The following SV2B variants were observed in gnomAD, a reference collection of about 807,000 sequenced individuals.
The protein encoded by SV2B is synaptic vesicle glycoprotein 2B.
In SV2B, 41 loss-of-function variants were observed where a neutral mutation model predicts 73.9. The observed-to-expected ratio is 0.56, with a 90% confidence interval of 0.43 to 0.72. The LOEUF (loss-of-function observed/expected upper bound fraction) is 0.72. SV2B is among the 30% of genes least tolerant of loss of function. The pLI is 0.00. For synonymous variants in SV2B, 314 were observed against 314.2 expected (o/e 1.00, Z 0.01); for missense variants, 764 against 857.8 (o/e 0.89, Z 1.37).
rs768571733 is a variant in SV2B, at chr15:91,229,390, C to T, written c.451+2676C>T. On this transcript the variant is annotated intron_variant, in intron 2 of 12. Coordinates refer to ENST00000394232, the MANE Select transcript of SV2B (RefSeq NM_001323032.3). The surrounding 1 kb of genome is among the most constrained non-coding windows in gnomAD (Gnocchi z 4.3). ...GATAATGCAGGTGTAAAGCAACCAG[C>T]GCTTGTTGCCCTCTCAACAATGATT... Among the ~76,000 whole-genome samples the T allele has an allele frequency of 9.2e-5, 14 of 152,140 alleles. No individual in the cohort carries two copies. The highest frequency in any genetic ancestry group is 1.8e-4 in the Non-Finnish European group (12 of 68,030).
rs1259025160 is a variant in SV2B at position 91,295,296 on chromosome 15, T to G, written c.*2744T>G. 6.6e-6 allele frequency: 1 copy of G among 152,204 alleles called. No homozygotes were observed. Among genetic ancestry groups the G allele is most frequent in the African/African-American group, 2.4e-5 (1 of 41,436 alleles). 9.4% of individuals were successfully genotyped at this position (152,204 alleles called of 1,614,324 possible). A position where few individuals can be genotyped will look rare whatever the true frequency, so the allele number is the denominator to read the frequency against. On this transcript the variant is annotated 3_prime_UTR_variant, in exon 13 of 13. Coordinates refer to ENST00000394232, the MANE Select transcript of SV2B (RefSeq NM_001323032.3). Reference sequence around the variant, plus strand: ...ATAATTAGTGAAAGAGGTGTGCCTATCTGTGAAGTTTGTAGTACATCATCC... The same window carrying G: ...ATAATTAGTGAAAGAGGTGTGCCTAGCTGTGAAGTTTGTAGTACATCATCC...
rs1272964269 is a variant in SV2B at position 91,229,028 on chromosome 15, A to G, written c.451+2314A>G. 1.3e-5 allele frequency among the ~76,000 whole-genome samples: 2 copies of G among 152,234 alleles called. No homozygotes were observed. The highest frequency in any genetic ancestry group is 4.8e-5 in the African/African-American group (2 of 41,476). The stretch of plus-strand genomic sequence containing the variant: ...TGAGCAGGGGTTTGACCGAAGGTCT[A>G]TTTGACTTCAAAGTCTATGCCCATT... On this transcript the variant is annotated intron_variant, in intron 2 of 12. Transcript: ENST00000394232. This position sits in a 1 kb window ranked among gnomAD's most constrained non-coding sequence, Gnocchi z 4.3.
At position 91,242,721 on chromosome 15, in the gene SV2B, A is replaced by G. The variant is rs1332967998; in HGVS notation, c.452-9098A>G. Among the ~76,000 whole-genome samples, 1 of 152,212 alleles carries G rather than the reference A, an allele frequency of 6.6e-6. No homozygotes were observed. The highest frequency in any genetic ancestry group is 1.5e-5 in the Non-Finnish European group (1 of 68,038). ...GAATAAGAGTAACCGTCATAGGATGAAGAGATCTGACCCAGGAGTTACCTA... is the reference window on the plus strand; with the variant it reads ...GAATAAGAGTAACCGTCATAGGATGGAGAGATCTGACCCAGGAGTTACCTA... On this transcript the variant is annotated intron_variant, in intron 2 of 12. Coordinates refer to ENST00000394232, the MANE Select transcript of SV2B (RefSeq NM_001323032.3). The surrounding 1 kb of genome is among the most constrained non-coding windows in gnomAD (Gnocchi z 4.9).
chr15:91,256,225 C>A (rs957386469), intron 4 of SV2B, among the ~76,000 whole-genome samples: 3 of 152,122 alleles, frequency 2.0e-5, no homozygotes, highest in Non-Finnish European at 4.4e-5. Context: ...TCCCTTCCTC[C>A]AAATTAATAT....
rs932611821 is a variant in SV2B, at chr15:91,121,985, A to G, written c.-392+21622A>G. Among the ~76,000 whole-genome samples the G allele has an allele frequency of 6.6e-6, 1 of 152,134 alleles. No homozygotes were observed. The highest frequency in any genetic ancestry group is 1.5e-5 in the Non-Finnish European group (1 of 68,026). On this transcript the variant is annotated intron_variant, in intron 1 of 12. Coordinates refer to ENST00000394232, the MANE Select transcript of SV2B (RefSeq NM_001323032.3). The surrounding 1 kb of genome is among the most constrained non-coding windows in gnomAD (Gnocchi z 4.4). The stretch of plus-strand genomic sequence containing the variant: ...GAGACGGGGTTTCACCATGTTAGCC[A>G]GGATGGTCTCGATCTCCTGACTTCA...
intron 6 of SV2B, among the ~76,000 whole-genome samples, chr15:91,264,121 C>G (rs11856372): frequency 0.022 from 3,284 of 152,356 alleles, 74 homozygotes; most frequent in East Asian, 0.094. Flanking sequence ...GCGTCTTACT[C>G]TAGGGTGTCT....
At chr15:91,191,982 G>C (rs919491745) in intron 1 of SV2B, among the ~76,000 whole-genome samples, 40 of 151,906 alleles carry the variant, frequency 2.6e-4, no homozygotes, top group African/African-American at 8.7e-4. Context: ...TTATTTTTCT[G>C]GCGGTTACCC....
At chr15:91,144,891 G>T (rs575133961) in intron 1 of SV2B, among the ~76,000 whole-genome samples, 1,502 of 128,442 alleles carry the variant, frequency 0.012, 24 homozygotes, top group African/African-American at 0.046. Context: ...GTGATGAAGA[G>T]AACTGTTTTT....
chr15:91,296,919 TTCTGCCCGATCGTTGGGAG>T lies in SV2B; in HGVS notation c.*4368_*4386del, dbSNP rs1436576116. 2.1e-5 allele frequency: 3 copies of T among 145,658 alleles called. No individual in the cohort carries two copies. The highest frequency in any genetic ancestry group is 2.1e-4 in the East Asian group (1 of 4,712). The allele number at this position is 145,658 out of a possible 1,614,324, so 9.0% of individuals were successfully genotyped here. ...TGCCCGATCGTTGGGCGCATGCTCC[TTCTGCCCGATCGTTGGGAG>T]CACGCTCATTCTGCCCGATTGTTGG... On this transcript the variant is annotated 3_prime_UTR_variant, in exon 13 of 13. Coordinates refer to ENST00000394232, the MANE Select transcript of SV2B (RefSeq NM_001323032.3).
rs2042237270 is a variant in SV2B, at chr15:91,118,446, C to T, written c.-392+18083C>T. Reference sequence around the variant, plus strand: ...CTAAGGGAAGAAAAGAACATTTTTTCCTTTGCATTCATTGAGGGCTTGGGA... The same window carrying T: ...CTAAGGGAAGAAAAGAACATTTTTTTCTTTGCATTCATTGAGGGCTTGGGA... On this transcript the variant is annotated intron_variant, in intron 1 of 12. Coordinates refer to ENST00000394232, the MANE Select transcript of SV2B (RefSeq NM_001323032.3). The surrounding 1 kb of genome is among the most constrained non-coding windows in gnomAD (Gnocchi z 4.7). Among the ~76,000 whole-genome samples the T allele has an allele frequency of 6.6e-6, 1 of 152,124 alleles. No individual in the cohort carries two copies. The highest frequency in any genetic ancestry group is 1.5e-5 in the Non-Finnish European group (1 of 68,012).
rs542682782 is a variant in SV2B at position 91,253,067 on chromosome 15, G to A, written c.784+547G>A. Among the ~76,000 whole-genome samples the A allele has an allele frequency of 1.3e-5, 2 of 152,100 alleles. No homozygotes were observed. Among genetic ancestry groups the A allele is most frequent in the East Asian group, 1.9e-4 (1 of 5,182 alleles). On this transcript the variant is annotated intron_variant, in intron 4 of 12. Transcript: ENST00000394232. The surrounding 1 kb of genome is among the most constrained non-coding windows in gnomAD (Gnocchi z 5.0). ...ACAGTGCAGGAGCCCTTATAGACAAGGTCATGGTTTCAGCCGGGACAATTT... is the reference window on the plus strand; with the variant it reads ...ACAGTGCAGGAGCCCTTATAGACAAAGTCATGGTTTCAGCCGGGACAATTT...
intron 1 of SV2B, among the ~76,000 whole-genome samples, chr15:91,157,060 G>A (rs1173977724): frequency 2.0e-5 from 3 of 152,188 alleles, no homozygotes; most frequent in African/African-American, 7.2e-5. Flanking sequence ...AATGGTTAAG[G>A]CCCTGTGCGT....
Position 91,260,347 on chromosome 15 carries a change from A to T in SV2B, c.946A>T (p.Ile316Phe). The change falls in exon 6 of 13, where the codon ATT (isoleucine) becomes TTT (phenylalanine). Residue 316 changes from isoleucine to phenylalanine, a missense_variant. Physicochemically the swap from Ile to Phe is conservative, Grantham distance 21. Coordinates refer to ENST00000394232, the MANE Select transcript of SV2B (RefSeq NM_001323032.3). ...GGGCAAACATGATGAAGCCTGGATG[A>T]TTCTCAAGCAAGTCCATGACACCAA... is the stretch of plus-strand genomic sequence containing the variant. ...EMGKHDEAWM[I>F]LKQVHDTNMR... is the part of the protein sequence containing the mutation. 6.2e-7 allele frequency: 1 copy of T among 1,613,510 alleles called. No homozygotes were observed. The highest frequency in any genetic ancestry group is 8.5e-7 in the Non-Finnish European group (1 of 1,179,792).
chr15:91,212,617 T>C (rs961585671), intron 1 of SV2B, among the ~76,000 whole-genome samples: 2 of 152,068 alleles, frequency 1.3e-5, no homozygotes, highest in African/African-American at 4.8e-5. Context: ...GTGTATTTAA[T>C]GGCAAGGTAA....
At chr15:91,103,115 A>G (rs1378653591) in intron 1 of SV2B, among the ~76,000 whole-genome samples, 1 of 152,238 alleles carries the variant, frequency 6.6e-6, no homozygotes, top group Non-Finnish European at 1.5e-5. Flanking sequence ...AAGGAACTGG[A>G]TGAAATCCTA....
At position 91,242,527 on chromosome 15, in the gene SV2B, G is replaced by A. The variant is rs980955066; in HGVS notation, c.452-9292G>A. ...TATTGAGGATGGATGGTCAGGGAAG[G>A]CCTCTTTGAGATTTCGCCTGAAATA... On this transcript the variant is annotated intron_variant, in intron 2 of 12. Transcript: ENST00000394232. This position sits in a 1 kb window ranked among gnomAD's most constrained non-coding sequence, Gnocchi z 4.9. 2.6e-5 allele frequency among the ~76,000 whole-genome samples: 4 copies of A among 152,248 alleles called. No homozygotes were observed. The highest frequency in any genetic ancestry group is 1.3e-4 in the Admixed American group (2 of 15,286).
chr15:91,126,355 A>C (rs1031991917), intron 1 of SV2B, among the ~76,000 whole-genome samples: 33 of 152,210 alleles, frequency 2.2e-4, no homozygotes, highest in Non-Finnish European at 5.9e-5. Flanking sequence ...GATCATGCCA[A>C]GATGAGGATT....
intron 1 of SV2B, among the ~76,000 whole-genome samples, chr15:91,176,626 T>A (rs1282868625): frequency 2.6e-5 from 4 of 152,042 alleles, no homozygotes; most frequent in Non-Finnish European, 5.9e-5. Flanking sequence ...TTGATTTGCA[T>A]TTCTCTGATG....
At chr15:91,176,003 AG>A (rs1220795866) in intron 1 of SV2B, among the ~76,000 whole-genome samples, 1 of 151,944 alleles carries the variant, frequency 6.6e-6, no homozygotes, top group Non-Finnish European at 1.5e-5. Flanking sequence ...CTTGTCATTT[AG>A]CATTAGGTAT....
Sources: gnomAD v4.1 joint callset for allele counts (sites outside exome capture counted in the v4.1 genomes callset) on GRCh38, gnomAD v4.1.1 for gene constraint, Gnocchi (gnomAD v3.1) non-coding constraint, MANE v1.5 for transcripts, NCBI Gene and HGNC (gene_info 2026-07-23, HGNC 2026-07-21) for gene names.